THSD7B: variants seen among roughly 807,000 people sequenced by gnomAD.
The protein encoded by THSD7B is thrombospondin type 1 domain containing 7B.
THSD7B carries 138 observed loss-of-function variants against 213.6 expected under a neutral mutation model. The observed-to-expected ratio is 0.65, with a 90% confidence interval of 0.56 to 0.74. The LOEUF (loss-of-function observed/expected upper bound fraction) is 0.74, where lower values mean the gene tolerates loss of function less well. Ranked by LOEUF, THSD7B falls within the 30% of genes least tolerant of loss-of-function variation. THSD7B has a pLI of 0.00. For missense variants in THSD7B, 1,931 were observed against 1,991.5 expected, an observed-to-expected ratio of 0.97 and a Z score of 0.58; for synonymous variants, 742 against 687.0, an observed-to-expected ratio of 1.08 and a Z score of -1.25.
chr2:136,820,872 AGAGG>A (rs907738021), intron 1 of THSD7B, among the ~76,000 whole-genome samples: 7 of 150,874 alleles, frequency 4.6e-5, no homozygotes, highest in Non-Finnish European at 8.9e-5. Flanking sequence ...TCTACTTGAG[AGAGG>A]GAGAGAGACA....
chr2:137,296,346 C>T (rs958759910), intron 12 of THSD7B, among the ~76,000 whole-genome samples: 1 of 151,980 alleles, frequency 6.6e-6, no homozygotes. Context: ...TATATGCTAC[C>T]TTTTTAGTTA....
intron 15 of THSD7B, 93 bp from the exon 16 acceptor site, chr2:137,563,128 G>T: frequency 1.5e-6 from 2 of 1,371,454 alleles, no homozygotes; most frequent in South Asian, 1.5e-5. Context: ...GCAGTTTCTT[G>T]GGTTATGTTC....
intron 2 of THSD7B, among the ~76,000 whole-genome samples, chr2:137,055,582 G>T (rs555682836): frequency 6.6e-6 from 1 of 152,136 alleles, no homozygotes; most frequent in Non-Finnish European, 1.5e-5. Flanking sequence ...TCAATGGGCA[G>T]CTCCCTCATC....
intron 7 of THSD7B, among the ~76,000 whole-genome samples, chr2:137,197,650 T>G (rs1680791367): frequency 6.6e-6 from 1 of 152,134 alleles, no homozygotes; most frequent in African/African-American, 2.4e-5. Flanking sequence ...CATGCAGTAC[T>G]GTTGGCGCTT....
intron 12 of THSD7B, among the ~76,000 whole-genome samples, chr2:137,364,373 T>C (rs1316584937): frequency 6.6e-6 from 1 of 152,168 alleles, no homozygotes; most frequent in Non-Finnish European, 1.5e-5. Context: ...CTGTTCAACA[T>C]AGTGTTGGAA....
At chr2:137,226,205 T>C (rs893194868) in intron 7 of THSD7B, among the ~76,000 whole-genome samples, 1 of 151,848 alleles carries the variant, frequency 6.6e-6, no homozygotes, top group Non-Finnish European at 1.5e-5. Flanking sequence ...CATAGTGTAA[T>C]AGCATACAAG....
At chr2:137,447,724 G>A (rs1394940758) in intron 14 of THSD7B, among the ~76,000 whole-genome samples, 1 of 150,898 alleles carries the variant, frequency 6.6e-6, no homozygotes, top group African/African-American at 2.4e-5. Flanking sequence ...CTAGTATTAG[G>A]GGAATTTAAA....
intron 1 of THSD7B, among the ~76,000 whole-genome samples, chr2:136,797,739 G>T (rs2104919338): frequency 6.6e-6 from 1 of 152,040 alleles, no homozygotes; most frequent in Admixed American, 6.6e-5. Flanking sequence ...AACAATGCAT[G>T]TAGCCTGGTA....
chr2:137,393,531 G>A (rs1012729184), intron 12 of THSD7B, among the ~76,000 whole-genome samples: 4 of 148,890 alleles, frequency 2.7e-5, no homozygotes, highest in African/African-American at 9.9e-5. Context: ...TGGTGTATAT[G>A]TGCCACATTT....
chr2:137,402,056 A>G (rs150987602), intron 12 of THSD7B, among the ~76,000 whole-genome samples: 1 of 152,340 alleles, frequency 6.6e-6, no homozygotes, highest in East Asian at 1.9e-4. Context: ...GAGAATGATC[A>G]GCCTACTTTA....
chr2:137,490,872 T>C (rs1046248619), intron 15 of THSD7B, among the ~76,000 whole-genome samples: 11 of 152,238 alleles, frequency 7.2e-5, no homozygotes, highest in African/African-American at 2.7e-4. Context: ...AAGACAATTG[T>C]TAGAAAAATA....
At chr2:137,174,204 T>C (rs1031349494) in intron 7 of THSD7B, among the ~76,000 whole-genome samples, 3 of 152,182 alleles carry the variant, frequency 2.0e-5, no homozygotes, top group Non-Finnish European at 2.9e-5. Flanking sequence ...ATCCTGCATA[T>C]AGGTGTTTAG....
chr2:137,406,632 C>G (rs558476709), intron 13 of THSD7B, among the ~76,000 whole-genome samples: 163 of 152,288 alleles, frequency 1.1e-3, no homozygotes, highest in African/African-American at 3.6e-3. Flanking sequence ...TTTCAAGACC[C>G]TTTTGTCTGA....
intron 14 of THSD7B, among the ~76,000 whole-genome samples, chr2:137,443,151 T>C (rs917937373): frequency 4.6e-5 from 7 of 152,100 alleles, no homozygotes; most frequent in Admixed American, 2.6e-4. Flanking sequence ...AAATATCTTT[T>C]CTCTGCCTGG....
Position 137,544,786 on chromosome 2 carries a change from A to G in THSD7B, c.3139-18435A>G, listed in dbSNP as rs151112978. Among the ~76,000 whole-genome samples the G allele has an allele frequency of 6.1e-4, 92 of 151,942 alleles. 2 individuals carry two copies. The highest frequency in any genetic ancestry group is 2.0e-3 in the African/African-American group (83 of 41,512). Reference sequence around the variant, plus strand: ...ATTCTTTCAATGTAGGGCACTTTATATGTCTCAGTTATAAAATTAAAGACT... The same window carrying G: ...ATTCTTTCAATGTAGGGCACTTTATGTGTCTCAGTTATAAAATTAAAGACT... On this transcript the variant is annotated intron_variant, in intron 15 of 27. Transcript: ENST00000409968.
chr2:136,980,125 A>G (rs1030183106), intron 2 of THSD7B, among the ~76,000 whole-genome samples: 2 of 152,136 alleles, frequency 1.3e-5, no homozygotes, highest in African/African-American at 2.4e-5. Flanking sequence ...AACAGCAAGG[A>G]TGGCTGCCTA....
intron 1 of THSD7B, among the ~76,000 whole-genome samples, chr2:136,770,140 TG>T (rs1463340991): frequency 5.9e-5 from 9 of 152,222 alleles, no homozygotes; most frequent in Non-Finnish European, 1.3e-4. Flanking sequence ...AGTAAGGCTC[TG>T]AACTTCGTGG....
intron 2 of THSD7B, among the ~76,000 whole-genome samples, chr2:136,897,808 G>A (rs111920393): frequency 2.6e-5 from 4 of 151,824 alleles, no homozygotes; most frequent in Non-Finnish European, 5.9e-5. Context: ...TGATTGGTGC[G>A]CTTACAAACC....
chr2:137,315,770 G>A (rs1684084246), intron 12 of THSD7B, among the ~76,000 whole-genome samples: 1 of 152,134 alleles, frequency 6.6e-6, no homozygotes, highest in South Asian at 2.1e-4. Flanking sequence ...CAGATAGCTA[G>A]CCAGTTATCC....
Sources: gnomAD v4.1 joint callset for allele counts (sites outside exome capture counted in the v4.1 genomes callset) on GRCh38, gnomAD v4.1.1 for gene constraint, MANE v1.5 for transcripts, NCBI Gene and HGNC (gene_info 2026-07-23, HGNC 2026-07-21) for gene names.